Variants in PHYH observed in about 807,000 individuals in gnomAD.
PHYH encodes the protein phytanoyl-CoA 2-hydroxylase, also known as phytanoyl-CoA dioxygenase, peroxisomal.
PHYH carries 32 observed loss-of-function variants against 38.5 expected under a neutral mutation model. The observed-to-expected ratio is 0.83, with a 90% CI of 0.63 to 1.12. The LOEUF (loss-of-function observed/expected upper bound fraction) is 1.12, where lower values mean the gene tolerates loss of function less well. Ranked by LOEUF, PHYH falls within the 50% of genes most tolerant of loss-of-function variation. PHYH has a pLI of 0.00. For missense variants in PHYH, 426 were observed against 434.8 expected, an observed-to-expected ratio of 0.98 and a Z score of 0.18; for synonymous variants, 166 against 157.9, an observed-to-expected ratio of 1.05 and a Z score of -0.38.
At chr10:13,298,460 G>A (rs1832636250) in intron 1 of PHYH, among the ~76,000 whole-genome samples, 1 of 152,028 alleles carries the variant, frequency 6.6e-6, no homozygotes, top group African/African-American at 2.4e-5. Flanking sequence ...TAGCACTTTG[G>A]GAGGCCGAGG....
Position 13,283,838 on chromosome 10 carries a change from C to G in PHYH, c.680G>C (p.Gly227Ala), listed in dbSNP as rs995220629. 4.3e-6 allele frequency: 7 copies of G among 1,613,492 alleles called. No homozygotes were observed. The highest frequency in any genetic ancestry group is 5.9e-6 in the Non-Finnish European group (7 of 1,179,620). Residue 227 changes from glycine (G) to alanine (A), a missense_variant and splice_region_variant, in exon 7 of 9, where the codon GGG becomes GCG. Physicochemically the swap from Gly to Ala is moderately conservative, Grantham distance 60 (BLOSUM62 0). Transcript: ENST00000263038. ...CCCGTGGAACATTTTGTTAACTCCC[C>G]CCTAGAACAAGAGGCAAGTGAAGTC... ...LKPHDYPKWE[G>A]GVNKMFHGIQ...
In PHYH at chr10:13,291,096, C is replaced by T. The variant is rs562555909; in HGVS notation, c.496+735G>A. On this transcript the variant is annotated intron_variant, in intron 5 of 8. Transcript: ENST00000263038. Reference sequence around the variant, plus strand: ...TCCAGCCTGGGCAACAAGAGCAAAACTCCATCTCAAAAAAAAAAAAAAAAA... The same window carrying T: ...TCCAGCCTGGGCAACAAGAGCAAAATTCCATCTCAAAAAAAAAAAAAAAAA... Among the ~76,000 whole-genome samples the T allele has an allele frequency of 6.2e-5, 4 of 64,438 alleles. No homozygotes were observed. In the East Asian group the frequency reaches 1.8e-3, roughly 28 times the overall value. The allele number at this position is 64,438 out of a possible 152,430, so 42.3% of individuals were successfully genotyped here. A position where few individuals can be genotyped will look rare whatever the true frequency, so the allele number is the denominator to read the frequency against.
chr10:13,286,370 A>G (rs1421021713), intron 6 of PHYH, among the ~76,000 whole-genome samples: 1 of 152,126 alleles, frequency 6.6e-6, no homozygotes, highest in African/African-American at 2.4e-5. Flanking sequence ...TGAACAAACC[A>G]TGGTTCACGG....
At chr10:13,291,409 T>C (rs1441480143) in intron 5 of PHYH, 3 of 191,350 alleles carry the variant, frequency 1.6e-5, no homozygotes, top group African/African-American at 7.1e-5. Flanking sequence ...TTTTAAGACT[T>C]CCTTATCCAA....
intron 4 of PHYH, among the ~76,000 whole-genome samples, chr10:13,292,931 C>G (rs1255150075): frequency 7.6e-5 from 1 of 13,130 alleles, no homozygotes; most frequent in Non-Finnish European, 2.5e-4. Flanking sequence ...GAGACTCTGT[C>G]TCAAAAAAAA....
intron 1 of PHYH, among the ~76,000 whole-genome samples, chr10:13,298,921 A>AT (rs1832657643): frequency 3.6e-5 from 3 of 84,040 alleles, no homozygotes; most frequent in African/African-American, 9.5e-5. Context: ...CTCCGTCTCA[A>AT]AAATAATAAT....
chr10:13,282,315 G>A (rs1835431098), intron 7 of PHYH, among the ~76,000 whole-genome samples: 1 of 152,002 alleles, frequency 6.6e-6, no homozygotes, highest in Admixed American at 6.6e-5. Context: ...ATTGGGCCAG[G>A]CGAGATGGCT....
In PHYH at chr10:13,298,194, G is replaced by T; in HGVS notation, c.127C>A (p.Gln43Lys). 1 of 1,597,614 alleles carries T rather than the reference G, an allele frequency of 6.3e-7. No homozygotes were observed. The highest frequency in any genetic ancestry group is 1.1e-5 in the South Asian group (1 of 90,792). Residue 43 changes from glutamine (Q) to lysine (K), a missense_variant, in exon 2 of 9, where the codon CAA becomes AAA. Transcript: ENST00000263038. ...TISSASFHPQQFQYTLDNNVL... is the reference protein window; with the variant it reads ...TISSASFHPQKFQYTLDNNVL... ...AAAACTCAAACTACTTACTGGAATT[G>T]TTGAGGATGGAAACTGGCAGAGGAA...
intron 6 of PHYH, among the ~76,000 whole-genome samples, chr10:13,287,643 C>T (rs1340974735): frequency 2.6e-5 from 4 of 152,172 alleles, no homozygotes; most frequent in African/African-American, 9.7e-5. Context: ...GGACATTGTA[C>T]ACTGTCCTGC....
rs1457751599 is a variant in PHYH at position 13,278,011 on chromosome 10, TGAAA to T, written c.*286_*289del. ...CTTCTTGGGTAAAGAGCTAACTGAA[TGAAA>T]GAAATTGATTTAACACTTAAATTAG... On this transcript the variant is annotated 3_prime_UTR_variant, in exon 9 of 9. Coordinates refer to ENST00000263038, the MANE Select transcript of PHYH (RefSeq NM_006214.4). 2.5e-6 allele frequency: 1 copy of T among 402,442 alleles called. No homozygotes were observed. The highest frequency in any genetic ancestry group is 2.0e-5 in the African/African-American group (1 of 48,822). The allele number at this position is 402,442 out of a possible 1,614,324, so 24.9% of individuals were successfully genotyped here.
At chr10:13,284,800 T>C (rs1036869064) in intron 6 of PHYH, among the ~76,000 whole-genome samples, 6 of 132,100 alleles carry the variant, frequency 4.5e-5, no homozygotes, top group Non-Finnish European at 7.4e-5. Context: ...GGAGTCAGGG[T>C]AAGGGAAGCA....
At chr10:13,283,535 G>T (rs1588507588) in intron 7 of PHYH, among the ~76,000 whole-genome samples, 155 bp downstream of exon 7, 1 of 152,074 alleles carries the variant, frequency 6.6e-6, no homozygotes, top group Non-Finnish European at 1.5e-5. Context: ...AAATAAACTG[G>T]ACTAAAGTCC....
intron 2 of PHYH, among the ~76,000 whole-genome samples, chr10:13,296,484 C>T (rs1428736572): frequency 6.7e-6 from 1 of 149,296 alleles, no homozygotes; most frequent in Non-Finnish European, 1.5e-5. Flanking sequence ...ATCGCTAGAA[C>T]CTGTGGGGGT....
chr10:13,296,390 C>A (rs534376814), intron 2 of PHYH, among the ~76,000 whole-genome samples: 1 of 150,662 alleles, frequency 6.6e-6, no homozygotes, highest in Non-Finnish European at 1.5e-5. Flanking sequence ...CAGCCTGACT[C>A]ACATGATGAA....
rs1339279161 is a variant in PHYH at position 13,297,348 on chromosome 10, T to C, written c.134+839A>G. The stretch of plus-strand genomic sequence containing the variant: ...CCTTAAGATCGGAATTGTGGTTGTA[T>C]GAGAATATTTAGGAAGGTCAAGATC... On this transcript the variant is annotated intron_variant, in intron 2 of 8. Coordinates refer to ENST00000263038, the MANE Select transcript of PHYH (RefSeq NM_006214.4). Among the ~76,000 whole-genome samples the C allele has an allele frequency of 2.6e-5, 4 of 152,208 alleles. No individual in the cohort carries two copies. In the East Asian group the frequency reaches 7.7e-4, roughly 29 times the overall value.
intron 6 of PHYH, among the ~76,000 whole-genome samples, chr10:13,285,242 G>A (rs1203991402): frequency 6.6e-6 from 1 of 152,048 alleles, no homozygotes; most frequent in Non-Finnish European, 1.5e-5. Flanking sequence ...GGAGTGCAGT[G>A]GTGCGATCTC....
chr10:13,298,751 T>TACC (rs1832647320), intron 1 of PHYH, among the ~76,000 whole-genome samples: 1 of 99,412 alleles, frequency 1.0e-5, no homozygotes, highest in African/African-American at 3.3e-5. Context: ...CTACTACTAC[T>TACC]ACTACTACTA....
chr10:13,296,812 C>T (rs532590), intron 2 of PHYH, among the ~76,000 whole-genome samples: 2 of 151,192 alleles, frequency 1.3e-5, no homozygotes, highest in Non-Finnish European at 2.9e-5. Context: ...AAAATTAGCC[C>T]GGCATGGTGT....
At chr10:13,293,607 C>T (rs948432417) in intron 4 of PHYH, among the ~76,000 whole-genome samples, 5 of 151,820 alleles carry the variant, frequency 3.3e-5, no homozygotes, top group African/African-American at 1.2e-4. Context: ...GCAGTTAGCT[C>T]ACTTCTCTTA....
Sources: gnomAD v4.1 joint callset for allele counts (sites outside exome capture counted in the v4.1 genomes callset) on GRCh38, gnomAD v4.1.1 for gene constraint, MANE v1.5 for transcripts, NCBI Gene and HGNC (gene_info 2026-07-23, HGNC 2026-07-21) for gene names.